Variants in TAFA1 observed in about 807,000 individuals in gnomAD.
The protein encoded by TAFA1 is chemokine-like protein TAFA-1.
In TAFA1, 4 loss-of-function variants were observed where a neutral mutation model predicts 18.5. The ratio of observed to expected loss-of-function variants is 0.22; its 90% CI spans 0.11 to 0.49. The LOEUF (loss-of-function observed/expected upper bound fraction) is 0.49. TAFA1 is among the 20% of genes least tolerant of loss of function. The pLI, the probability that TAFA1 is intolerant of heterozygous loss-of-function variation, is 0.98. For missense variants in TAFA1, 147 were observed against 169.0 expected (o/e 0.87, Z 0.72); for synonymous variants, 56 against 55.2 (o/e 1.01, Z -0.06).
chr3:68,345,556 G>A (rs540123744), intron 2 of TAFA1, among the ~76,000 whole-genome samples: 11 of 152,268 alleles, frequency 7.2e-5, no homozygotes, highest in African/African-American at 1.9e-4. Flanking sequence ...TCAGCAATCC[G>A]TTGATATGAA....
chr3:68,233,392 C>G (rs1044841191), intron 2 of TAFA1, among the ~76,000 whole-genome samples: 3 of 152,058 alleles, frequency 2.0e-5, no homozygotes, highest in Non-Finnish European at 4.4e-5. Flanking sequence ...AGAGAATGTT[C>G]TTTCCTCAAT....
chr3:68,283,701 A>G (rs2067943896), intron 2 of TAFA1, among the ~76,000 whole-genome samples: 1 of 152,238 alleles, frequency 6.6e-6, no homozygotes, highest in Non-Finnish European at 1.5e-5. Context: ...ATAAGTATCT[A>G]GCAAACATTA....
intron 3 of TAFA1, among the ~76,000 whole-genome samples, chr3:68,444,892 C>A (rs1245781143): frequency 6.6e-6 from 1 of 150,970 alleles, no homozygotes; most frequent in African/African-American, 2.4e-5. Flanking sequence ...ATCTCAAGCA[C>A]TTCTCTATTC....
intron 2 of TAFA1, among the ~76,000 whole-genome samples, chr3:68,176,105 T>A (rs2066121630): frequency 6.6e-6 from 1 of 152,236 alleles, no homozygotes; most frequent in Non-Finnish European, 1.5e-5. Context: ...TGTGGAACTG[T>A]ACATTCATTG....
intron 2 of TAFA1, among the ~76,000 whole-genome samples, chr3:68,280,616 GTT>G: frequency 6.7e-6 from 1 of 148,666 alleles, no homozygotes; most frequent in South Asian, 2.2e-4. Context: ...GTGGACTTTT[GTT>G]TTTTTTTTCC....
At chr3:68,519,177 G>C (rs902928024) in intron 3 of TAFA1, among the ~76,000 whole-genome samples, 7 of 152,110 alleles carry the variant, frequency 4.6e-5, no homozygotes, top group African/African-American at 1.7e-4. Context: ...GATATTAGAA[G>C]ACGAGGGCCT....
chr3:68,239,941 G>A (rs2066975603), intron 2 of TAFA1, among the ~76,000 whole-genome samples: 1 of 152,158 alleles, frequency 6.6e-6, no homozygotes, highest in South Asian at 2.1e-4. Flanking sequence ...ACATAATAGT[G>A]TAAAAGGCTT....
At chr3:68,095,496 T>C (rs990304401) in intron 2 of TAFA1, among the ~76,000 whole-genome samples, 41 of 152,138 alleles carry the variant, frequency 2.7e-4, no homozygotes, top group African/African-American at 9.7e-4. Context: ...GGACCCACTT[T>C]CCATGGTGTT....
intron 2 of TAFA1, among the ~76,000 whole-genome samples, chr3:68,142,418 C>A (rs1467836144): frequency 2.0e-5 from 3 of 152,150 alleles, no homozygotes; most frequent in East Asian, 1.9e-4. Context: ...TTCATCCAAA[C>A]CCCCTGTGCT....
chr3:68,325,566 T>C (rs1253034459), intron 2 of TAFA1, among the ~76,000 whole-genome samples: 1 of 152,178 alleles, frequency 6.6e-6, no homozygotes, highest in Admixed American at 6.5e-5. Flanking sequence ...ACTATTATAG[T>C]CTATGTTCTG....
At chr3:68,068,162 C>G (rs997040364) in intron 2 of TAFA1, among the ~76,000 whole-genome samples, 1 of 152,026 alleles carries the variant, frequency 6.6e-6, no homozygotes, top group Non-Finnish European at 1.5e-5. Flanking sequence ...GCACTTTTAA[C>G]TTAAAAAAAG....
At chr3:68,194,971 C>T (rs564336271) in intron 2 of TAFA1, among the ~76,000 whole-genome samples, 11 of 151,662 alleles carry the variant, frequency 7.3e-5, no homozygotes, top group Admixed American at 3.3e-4. Flanking sequence ...GTCAGTTTTT[C>T]GGTATGCCCA....
intron 2 of TAFA1, among the ~76,000 whole-genome samples, chr3:68,262,442 C>G (rs1476565637): frequency 6.7e-6 from 1 of 149,108 alleles, no homozygotes; most frequent in South Asian, 2.1e-4. Flanking sequence ...TCTTCCTTCC[C>G]CCTTTAGTAG....
chr3:68,532,965 G>T (rs773982488), intron 3 of TAFA1, among the ~76,000 whole-genome samples: 3 of 151,372 alleles, frequency 2.0e-5, no homozygotes, highest in African/African-American at 4.8e-5. Flanking sequence ...CAATGATGAG[G>T]ACACACCTGG....
At chr3:68,259,605 T>C (rs2067369668) in intron 2 of TAFA1, among the ~76,000 whole-genome samples, 1 of 152,186 alleles carries the variant, frequency 6.6e-6, no homozygotes, top group South Asian at 2.1e-4. Context: ...TATCCTCTTT[T>C]ATTTCATTGA....
At chr3:68,220,434 G>T (rs1359606679) in intron 2 of TAFA1, among the ~76,000 whole-genome samples, 1 of 151,998 alleles carries the variant, frequency 6.6e-6, no homozygotes, top group East Asian at 1.9e-4. Flanking sequence ...ACTTTAGTGT[G>T]CAGTTCTTTT....
intron 2 of TAFA1, among the ~76,000 whole-genome samples, chr3:68,365,764 G>T (rs913260977): frequency 1.3e-5 from 2 of 152,154 alleles, no homozygotes; most frequent in African/African-American, 4.8e-5. Flanking sequence ...GAGAGAATGA[G>T]TGCCAGGTGA....
chr3:68,084,839 G>A (rs1030591231), intron 2 of TAFA1, among the ~76,000 whole-genome samples: 13 of 150,830 alleles, frequency 8.6e-5, no homozygotes, highest in Non-Finnish European at 1.9e-4. Context: ...ACAAAAAGTA[G>A]CCCCCATACT....
At chr3:68,032,900 G>T (rs961799357) in intron 2 of TAFA1, among the ~76,000 whole-genome samples, 3 of 152,118 alleles carry the variant, frequency 2.0e-5, no homozygotes, top group Admixed American at 6.6e-5. Context: ...ATTCTTTTCA[G>T]TACTTGCTTC....
Sources: gnomAD v4.1 joint callset for allele counts (sites outside exome capture counted in the v4.1 genomes callset) on GRCh38, gnomAD v4.1.1 for gene constraint, MANE v1.5 for transcripts, NCBI Gene and HGNC (gene_info 2026-07-23, HGNC 2026-07-21) for gene names.